XKR4: variants seen among roughly 807,000 people sequenced by gnomAD.
XKR4 encodes XK-related protein 4.
A neutral mutation model predicts 53.9 loss-of-function variants in XKR4; 12 were observed. The ratio of observed to expected loss-of-function variants is 0.22; its 90% CI spans 0.14 to 0.36. XKR4 has a LOEUF of 0.36. Ranked by LOEUF, XKR4 falls within the 10% of genes least tolerant of loss-of-function variation. The pLI, the probability that XKR4 is intolerant of heterozygous loss-of-function variation, is 1.00. For missense variants in XKR4, 799 were observed against 859.5 expected (o/e 0.93, Z 0.88); for synonymous variants, 354 against 362.4 (o/e 0.98, Z 0.26).
intron 1 of XKR4, among the ~76,000 whole-genome samples, chr8:55,182,083 GCTAT>G (rs766780918): frequency 2.0e-5 from 3 of 151,740 alleles, no homozygotes; most frequent in Non-Finnish European, 4.4e-5. Context: ...CAGATCTTTT[GCTAT>G]CTTTTATCAA....
chr8:55,236,043 G>T (rs1818116816), intron 1 of XKR4, among the ~76,000 whole-genome samples: 1 of 152,272 alleles, frequency 6.6e-6, no homozygotes, highest in Admixed American at 6.5e-5. Context: ...TGCTTGGCTG[G>T]TGTAGTCATC....
At chr8:55,300,643 G>A (rs1819178971) in intron 1 of XKR4, among the ~76,000 whole-genome samples, 2 of 152,146 alleles carry the variant, frequency 1.3e-5, no homozygotes, top group South Asian at 2.1e-4. Flanking sequence ...TTACACAAGG[G>A]GGAGGAGCAA....
At chr8:55,384,149 G>A (rs899673471) in intron 2 of XKR4, among the ~76,000 whole-genome samples, 2 of 152,184 alleles carry the variant, frequency 1.3e-5, no homozygotes, top group Non-Finnish European at 2.9e-5. Flanking sequence ...AGCACAGGAC[G>A]TGTTTCAGGA....
At chr8:55,380,482 T>A (rs1804215423) in intron 2 of XKR4, among the ~76,000 whole-genome samples, 1 of 152,236 alleles carries the variant, frequency 6.6e-6, no homozygotes, top group Non-Finnish European at 1.5e-5. Flanking sequence ...TAAGTTTGAG[T>A]TCCATGACAT....
intron 1 of XKR4, among the ~76,000 whole-genome samples, chr8:55,323,199 TATTA>T (rs1446395265): frequency 1.3e-5 from 2 of 152,240 alleles, no homozygotes; most frequent in Non-Finnish European, 2.9e-5. Context: ...ATATTACTAC[TATTA>T]ATTTATGTGT....
At chr8:55,430,326 T>A (rs1465561775) in intron 2 of XKR4, among the ~76,000 whole-genome samples, 1 of 152,170 alleles carries the variant, frequency 6.6e-6, no homozygotes, top group Non-Finnish European at 1.5e-5. Flanking sequence ...ATTAAAAATA[T>A]GTCCACACAA....
At chr8:55,289,952 G>A (rs549547893) in intron 1 of XKR4, among the ~76,000 whole-genome samples, 112 of 152,000 alleles carry the variant, frequency 7.4e-4, no homozygotes, top group African/African-American at 2.6e-3. Flanking sequence ...TTTTATTCCC[G>A]CTTATAATGT....
rs1012521903 is a variant in XKR4 at position 55,527,437 on chromosome 8, A to T, written c.*3210A>T. 6.6e-6 allele frequency: 1 copy of T among 152,178 alleles called. No individual in the cohort carries two copies. Among genetic ancestry groups the T allele is most frequent in the Admixed American group, 6.5e-5 (1 of 15,272 alleles). 9.4% of individuals were successfully genotyped at this position (152,178 alleles called of 1,614,324 possible). A position where few individuals can be genotyped will look rare whatever the true frequency, so the allele number is the denominator to read the frequency against. The stretch of plus-strand genomic sequence containing the variant: ...TCAGGAAATTTTCTAAAGGAACAAC[A>T]TTGTAATTTGTTTTACTTTTAAACT... On this transcript the variant is annotated 3_prime_UTR_variant, in exon 3 of 3. Transcript: ENST00000327381.
chr8:55,444,705 C>T (rs567263106), intron 2 of XKR4, among the ~76,000 whole-genome samples: 7 of 152,300 alleles, frequency 4.6e-5, no homozygotes, highest in African/African-American at 1.4e-4. Context: ...GACAGGGACT[C>T]TTGCGTACTG....
chr8:55,237,416 G>T (rs1818149780), intron 1 of XKR4, among the ~76,000 whole-genome samples: 1 of 152,200 alleles, frequency 6.6e-6, no homozygotes, highest in Non-Finnish European at 1.5e-5. Flanking sequence ...TTAGAGAAAA[G>T]ATAATGTTAC....
chr8:55,433,679 T>A (rs1049550896), intron 2 of XKR4, among the ~76,000 whole-genome samples: 1 of 152,188 alleles, frequency 6.6e-6, no homozygotes, highest in Non-Finnish European at 1.5e-5. Context: ...GGGAGCTAAT[T>A]GTCTTGTTAT....
chr8:55,151,426 C>T (rs1353009350), intron 1 of XKR4, among the ~76,000 whole-genome samples: 1 of 152,196 alleles, frequency 6.6e-6, no homozygotes, highest in Non-Finnish European at 1.5e-5. Context: ...TTCTGTCTCT[C>T]CTCATTGTCT....
chr8:55,397,802 G>T (rs1488449823), intron 2 of XKR4, among the ~76,000 whole-genome samples: 1 of 152,016 alleles, frequency 6.6e-6, no homozygotes, highest in Non-Finnish European at 1.5e-5. Context: ...CGGTGTCTTG[G>T]TCCAGTTTCA....
At chr8:55,226,523 C>T (rs1190923303) in intron 1 of XKR4, among the ~76,000 whole-genome samples, 2 of 152,136 alleles carry the variant, frequency 1.3e-5, no homozygotes, top group East Asian at 1.9e-4. Context: ...AGGGACAAGA[C>T]GTATCCATCC....
At chr8:55,161,023 T>C (rs999780147) in intron 1 of XKR4, among the ~76,000 whole-genome samples, 1 of 152,170 alleles carries the variant, frequency 6.6e-6, no homozygotes, top group Non-Finnish European at 1.5e-5. Context: ...GTTGAGTAGG[T>C]GTGATGGCTT....
intron 2 of XKR4, among the ~76,000 whole-genome samples, chr8:55,361,147 C>A (rs1312814601): frequency 6.6e-6 from 1 of 152,254 alleles, no homozygotes; most frequent in South Asian, 2.1e-4. Context: ...GGAGGCCCGA[C>A]TGCATGCACG....
At chr8:55,458,087 C>T (rs980420857) in intron 2 of XKR4, among the ~76,000 whole-genome samples, 13 of 152,044 alleles carry the variant, frequency 8.6e-5, no homozygotes, top group African/African-American at 2.9e-4. Flanking sequence ...TCAATCCATA[C>T]GAAAATTCCA....
intron 2 of XKR4, chr8:55,517,218 CTT>C (rs2129405356): frequency 6.6e-6 from 1 of 152,186 alleles, no homozygotes; most frequent in East Asian, 1.9e-4. Context: ...GAAGCCCAGA[CTT>C]TACCACAATA....
chr8:55,266,767 T>TG (rs1818607668), intron 1 of XKR4, among the ~76,000 whole-genome samples: 1 of 152,192 alleles, frequency 6.6e-6, no homozygotes, highest in African/African-American at 2.4e-5. Context: ...TTCCTCACCC[T>TG]GAGTGTCCTG....
Sources: allele counts gnomAD v4.1 joint callset (sites outside exome capture counted in the v4.1 genomes callset), GRCh38; gene constraint gnomAD v4.1.1; transcripts MANE v1.5; gene names NCBI Gene and HGNC (gene_info 2026-07-23, HGNC 2026-07-21).